ZNF516: variants seen among roughly 807,000 people sequenced by gnomAD.
The protein encoded by ZNF516 is zinc finger protein 516.
In ZNF516, 19 loss-of-function variants were observed where a neutral mutation model predicts 79.7. That is an observed-to-expected ratio of 0.24 (90% CI 0.17 to 0.35). The LOEUF (loss-of-function observed/expected upper bound fraction) is 0.35. Among genes scored for constraint, ZNF516 ranks in the 10% least tolerant of loss-of-function variants. ZNF516 has a pLI of 1.00. For synonymous variants in ZNF516, 877 were observed against 739.5 expected (o/e 1.19, Z -3.02); for missense variants, 1,678 against 1,679.5 (o/e 1.00, Z 0.02).
At chr18:76,372,347 T>C (rs1472021996) in intron 4 of ZNF516, among the ~76,000 whole-genome samples, 4 of 152,256 alleles carry the variant, frequency 2.6e-5, no homozygotes, top group African/African-American at 9.6e-5. Context: ...AAAGGCTTGA[T>C]TTCCATGTGC....
intron 2 of ZNF516, among the ~76,000 whole-genome samples, chr18:76,452,507 G>A (rs1364982214): frequency 1.3e-5 from 2 of 152,158 alleles, no homozygotes; most frequent in African/African-American, 2.4e-5. Flanking sequence ...ACCACGGGCT[G>A]GAGTCATCAT....
chr18:76,481,161 C>T (rs1237809952), intron 1 of ZNF516, among the ~76,000 whole-genome samples: 1 of 152,198 alleles, frequency 6.6e-6, no homozygotes, highest in Non-Finnish European at 1.5e-5. Context: ...AGAGGCAGGA[C>T]GGGACCAAGT....
At chr18:76,468,501 C>T (rs760289881) in intron 1 of ZNF516, among the ~76,000 whole-genome samples, 5 of 150,790 alleles carry the variant, frequency 3.3e-5, no homozygotes, top group African/African-American at 7.4e-5. Context: ...ACTGCAACCT[C>T]GGCCTTCCGG....
At chr18:76,380,546 C>T (rs1290365995) in intron 3 of ZNF516, among the ~76,000 whole-genome samples, 1 of 152,110 alleles carries the variant, frequency 6.6e-6, no homozygotes, top group Non-Finnish European at 1.5e-5. Flanking sequence ...GGAAAAAATA[C>T]AATAGCAGTG....
chr18:76,461,256 T>G (rs73975483), intron 2 of ZNF516, among the ~76,000 whole-genome samples: 4,845 of 152,322 alleles, frequency 0.032, 245 homozygotes, highest in African/African-American at 0.11. Flanking sequence ...AAGCTCCTCC[T>G]GGACACTCCG....
Position 76,379,129 on chromosome 18 carries a change from A to T in ZNF516, c.2985T>A (p.Pro995=). Reference sequence around the variant, plus strand: ...AGGGGGGCTCGCGGGGAGGTAGAGGAGGAGCGCCCCCTTCGCCCTTTGCAG... The same window carrying T: ...AGGGGGGCTCGCGGGGAGGTAGAGGTGGAGCGCCCCCTTCGCCCTTTGCAG... The part of the protein sequence containing the change: ...PPPAKGEGGA[P]PLPPREPPSK... Residue 995 remains proline (P), a synonymous_variant, in exon 4 of 7, where the codon CCT becomes CCA. Transcript: ENST00000443185. The T allele has an allele frequency of 6.2e-7, 1 of 1,612,582 alleles. No homozygotes were observed. The highest frequency in any genetic ancestry group is 2.2e-5 in the East Asian group (1 of 44,856).
intron 3 of ZNF516, among the ~76,000 whole-genome samples, chr18:76,405,341 TC>T (rs1181918293): frequency 6.6e-6 from 1 of 152,052 alleles, no homozygotes; most frequent in African/African-American, 2.4e-5. Flanking sequence ...CAAGCGATCC[TC>T]CCGCCTCAGC....
rs145344581 is a variant in ZNF516, at chr18:76,404,027, C to A, written c.1811-23724G>T. 2.6e-3 allele frequency among the ~76,000 whole-genome samples: 402 copies of A among 152,342 alleles called. 1 individual carries two copies. Among genetic ancestry groups the A allele is most frequent in the African/African-American group, 8.9e-3 (371 of 41,582 alleles). On this transcript the variant is annotated intron_variant, in intron 3 of 6. Coordinates refer to ENST00000443185, the MANE Select transcript of ZNF516 (RefSeq NM_014643.4). Reference sequence around the variant, plus strand: ...AGAGCAGCAGCGGACAGGCTGGCAGCCTGGGGCTCCTGTCCACTGGGCAGG... The same window carrying A: ...AGAGCAGCAGCGGACAGGCTGGCAGACTGGGGCTCCTGTCCACTGGGCAGG...
Position 76,358,525 on chromosome 18 carries a change from C to G in ZNF516, c.*3973G>C, listed in dbSNP as rs1047960390. ...GGCTCCGGCGTGTGCTCCCACCAAC[C>G]ACGGCAAACAAAGGCGTCCTCCTCA... is the stretch of plus-strand genomic sequence containing the variant. On this transcript the variant is annotated 3_prime_UTR_variant, in exon 7 of 7. Transcript: ENST00000443185. 6.6e-6 allele frequency: 1 copy of G among 152,252 alleles called. No homozygotes were observed. Among genetic ancestry groups the G allele is most frequent in the Non-Finnish European group, 1.5e-5 (1 of 68,046 alleles). The allele number at this position is 152,252 out of a possible 1,614,324, so 9.4% of individuals were successfully genotyped here.
chr18:76,474,929 A>T (rs1435802409), intron 1 of ZNF516, among the ~76,000 whole-genome samples: 2 of 152,222 alleles, frequency 1.3e-5, no homozygotes, highest in Non-Finnish European at 2.9e-5. Flanking sequence ...AAATTCACTC[A>T]GGGACAAAAA....
chr18:76,370,736 T>A, intron 5 of ZNF516, 141 bp from the exon 6 acceptor site: 1 of 654,686 alleles, frequency 1.5e-6, no homozygotes. Context: ...CAATTTACCG[T>A]AACACTTACA....
chr18:76,492,073 C>G, intron 1 of ZNF516: 2 of 807,436 alleles, frequency 2.5e-6, no homozygotes, highest in Non-Finnish European at 3.0e-6. Flanking sequence ...CGCGCATGGA[C>G]GAGGTCCCTC....
chr18:76,382,088 C>T (rs1160476230), intron 3 of ZNF516, among the ~76,000 whole-genome samples: 1 of 152,074 alleles, frequency 6.6e-6, no homozygotes, highest in Non-Finnish European at 1.5e-5. Context: ...GCTGACATCA[C>T]GCCACTGCAC....
At chr18:76,395,896 C>T (rs2075138838) in intron 3 of ZNF516, among the ~76,000 whole-genome samples, 1 of 152,200 alleles carries the variant, frequency 6.6e-6, no homozygotes, top group Non-Finnish European at 1.5e-5. Flanking sequence ...CGTCCAGCTC[C>T]CCACACCGCG....
intron 4 of ZNF516, among the ~76,000 whole-genome samples, chr18:76,371,799 A>G (rs2074712215): frequency 6.6e-6 from 1 of 152,198 alleles, no homozygotes; most frequent in Admixed American, 6.5e-5. Context: ...ACAGCGAATT[A>G]AAAACCACTC....
At chr18:76,377,874 C>G (rs2074813578) in intron 4 of ZNF516, among the ~76,000 whole-genome samples, 1 of 152,084 alleles carries the variant, frequency 6.6e-6, no homozygotes, top group Non-Finnish European at 1.5e-5. Flanking sequence ...CCCCACCATG[C>G]CTGGCTAATT....
intron 3 of ZNF516, chr18:76,386,514 A>T (rs1037509273): frequency 6.6e-6 from 1 of 152,214 alleles, no homozygotes; most frequent in Non-Finnish European, 1.5e-5. Flanking sequence ...TAAAAGTTCC[A>T]CAATATTAAG....
At chr18:76,423,590 A>G (rs690618) in intron 3 of ZNF516, among the ~76,000 whole-genome samples, 4,311 of 37,402 alleles carry the variant, frequency 0.12, 168 homozygotes, top group South Asian at 0.16. Flanking sequence ...ACACACAGGT[A>G]AAAAGGCTTC....
intron 1 of ZNF516, among the ~76,000 whole-genome samples, chr18:76,472,414 C>T (rs1913898511): frequency 6.6e-6 from 1 of 152,176 alleles, no homozygotes; most frequent in South Asian, 2.1e-4. Flanking sequence ...TGCAAACGTG[C>T]ACCTATACAC....
Sources: gnomAD v4.1 joint callset for allele counts (sites outside exome capture counted in the v4.1 genomes callset) on GRCh38, gnomAD v4.1.1 for gene constraint, MANE v1.5 for transcripts, NCBI Gene and HGNC (gene_info 2026-07-23, HGNC 2026-07-21) for gene names.